SORBS2: variants seen among roughly 807,000 people sequenced by gnomAD.
SORBS2 encodes sorbin and SH3 domain containing 2.
In SORBS2, 46 loss-of-function variants were observed where a neutral mutation model predicts 97.7. The ratio of observed to expected loss-of-function variants is 0.47; its 90% confidence interval spans 0.37 to 0.60. The LOEUF (loss-of-function observed/expected upper bound fraction) is 0.60, where lower values mean the gene tolerates loss of function less well. Ranked by LOEUF, SORBS2 falls within the 20% of genes least tolerant of loss-of-function variation. The pLI is 0.00. For missense variants in SORBS2, 1,316 were observed against 1,282.3 expected (o/e 1.03, Z -0.40); for synonymous variants, 476 against 473.4 (o/e 1.01, Z -0.07).
chr4:185,906,694 AC>A (rs542067500), intron 1 of SORBS2, among the ~76,000 whole-genome samples: 4 of 152,248 alleles, frequency 2.6e-5, no homozygotes, highest in African/African-American at 7.2e-5. Flanking sequence ...CGTATCTCGG[AC>A]TATATGCATG....
rs1415675310 is a variant in SORBS2, at chr4:185,932,017, T to G, written c.-338+24179A>C. Among the ~76,000 whole-genome samples the G allele has an allele frequency of 2.6e-5, 4 of 151,270 alleles. No homozygotes were observed. In the East Asian group the frequency reaches 7.8e-4, roughly 29 times the overall value. On this transcript the variant is annotated intron_variant, in intron 1 of 20. Transcript: ENST00000284776. ...CTCTCTCTCTCTATATATATATATA[T>G]AGATAGATATAGATATAGATACAGA...
chr4:185,745,376 C>T (rs930828453), intron 2 of SORBS2, among the ~76,000 whole-genome samples: 6 of 152,136 alleles, frequency 3.9e-5, no homozygotes, highest in Non-Finnish European at 7.3e-5. Context: ...TTTTGGCGTT[C>T]ATATTTTTTA....
At chr4:185,880,197 T>C (rs903108310) in intron 1 of SORBS2, among the ~76,000 whole-genome samples, 5 of 152,182 alleles carry the variant, frequency 3.3e-5, no homozygotes, top group African/African-American at 1.2e-4. Flanking sequence ...CTCAGAGCCG[T>C]CTGTCTTAAA....
chr4:185,921,467 A>T (rs911724055), intron 1 of SORBS2, among the ~76,000 whole-genome samples: 1 of 152,116 alleles, frequency 6.6e-6, no homozygotes, highest in African/African-American at 2.4e-5. Context: ...ATTTTATTAA[A>T]TTTTTCCCTA....
At chr4:185,591,664 G>A (rs777123645) in intron 13 of SORBS2, among the ~76,000 whole-genome samples, 58 of 152,220 alleles carry the variant, frequency 3.8e-4, no homozygotes, top group Non-Finnish European at 6.8e-4. Flanking sequence ...GGATACACAC[G>A]GCATTTCTCA....
At chr4:185,840,754 C>T (rs565070865) in intron 1 of SORBS2, among the ~76,000 whole-genome samples, 1 of 152,316 alleles carries the variant, frequency 6.6e-6, no homozygotes, top group South Asian at 2.1e-4. Flanking sequence ...TCAACCATTG[C>T]TCTGTGCTTT....
intron 2 of SORBS2, among the ~76,000 whole-genome samples, chr4:185,703,845 T>C (rs113007452): frequency 1.3e-5 from 2 of 152,350 alleles, no homozygotes; most frequent in African/African-American, 2.4e-5. Context: ...TAACTTCAAA[T>C]GATTAAGAAA....
intron 1 of SORBS2, among the ~76,000 whole-genome samples, chr4:185,953,042 C>T (rs1008403631): frequency 1.1e-4 from 16 of 152,164 alleles, no homozygotes; most frequent in African/African-American, 3.6e-4. Context: ...AGGCCGGGCG[C>T]GGTGGCTCAC....
chr4:185,665,966 G>T, intron 4 of SORBS2: 1 of 1,260,160 alleles, frequency 7.9e-7, no homozygotes, highest in Non-Finnish European at 1.0e-6. Flanking sequence ...GGAGCTGGGA[G>T]CAGGTGTTTG....
chr4:185,841,967 G>A (rs1426575997), intron 1 of SORBS2, among the ~76,000 whole-genome samples: 1 of 152,204 alleles, frequency 6.6e-6, no homozygotes, highest in Non-Finnish European at 1.5e-5. Context: ...CAGCATTCAT[G>A]ATTTACTGAA....
chr4:185,661,152 T>C (rs1030773545), upstream of SORBS2, among the ~76,000 whole-genome samples: 1 of 151,710 alleles, frequency 6.6e-6, no homozygotes, highest in Admixed American at 6.6e-5. Flanking sequence ...GGCGGGCACC[T>C]GTAATCCCAG....
At chr4:185,902,188 A>T (rs149572399) in intron 1 of SORBS2, among the ~76,000 whole-genome samples, 15 of 152,312 alleles carry the variant, frequency 9.8e-5, no homozygotes, top group Admixed American at 9.1e-4. Context: ...TTGTGATATC[A>T]CTGCTGAAGA....
At chr4:185,868,147 C>CTTTTTTCTTTTTTTTTTTTTTTT (rs1554043746) in intron 1 of SORBS2, among the ~76,000 whole-genome samples, 2 of 89,766 alleles carry the variant, frequency 2.2e-5, no homozygotes, top group African/African-American at 4.8e-5. Context: ...CTTTTCTTTT[C>CTTTTTTCTTTTTTTTTTTTTTTT]TTTTTTTCTT....
intron 1 of SORBS2, among the ~76,000 whole-genome samples, chr4:185,889,920 T>C (rs1000776973): frequency 4.6e-5 from 7 of 152,178 alleles, no homozygotes; most frequent in African/African-American, 1.7e-4. Flanking sequence ...ACAGTTTCAC[T>C]CTGTCCCCCA....
chr4:185,852,691 C>T (rs2099218589), intron 1 of SORBS2, among the ~76,000 whole-genome samples: 2 of 152,146 alleles, frequency 1.3e-5, no homozygotes, highest in Non-Finnish European at 2.9e-5. Flanking sequence ...GTAGGTTATT[C>T]TGCTCACAGC....
intron 1 of SORBS2, among the ~76,000 whole-genome samples, chr4:185,858,553 C>T (rs1251097054): frequency 2.0e-5 from 3 of 152,104 alleles, no homozygotes; most frequent in Admixed American, 6.6e-5. Flanking sequence ...TGCCATTTGC[C>T]ACATTTCCTT....
At chr4:185,660,927 A>G (rs1339694231), upstream of SORBS2, among the ~76,000 whole-genome samples, 1 of 152,006 alleles carries the variant, frequency 6.6e-6, no homozygotes, top group African/African-American at 2.4e-5. Context: ...TGATAGTTCA[A>G]TTTCGTATTT....
intron 2 of SORBS2, among the ~76,000 whole-genome samples, chr4:185,650,121 C>T (rs975996209): frequency 2.6e-5 from 4 of 152,190 alleles, no homozygotes; most frequent in African/African-American, 9.6e-5. Context: ...ATATTGCACA[C>T]AGTTGTGTTT....
At chr4:185,878,489 C>G (rs62335022) in intron 1 of SORBS2, among the ~76,000 whole-genome samples, 62,695 of 151,924 alleles carry the variant, frequency 0.41, 13,239 homozygotes, top group East Asian at 0.56. Context: ...AGCCCAGGAG[C>G]CGTACCTGGC....
Sources: allele counts gnomAD v4.1 joint callset (sites outside exome capture counted in the v4.1 genomes callset), GRCh38; gene constraint gnomAD v4.1.1; transcripts MANE v1.5; gene names NCBI Gene and HGNC (gene_info 2026-07-23, HGNC 2026-07-21).